STX2: variants seen among roughly 807,000 people sequenced by gnomAD.
STX2 encodes syntaxin-2.
A neutral mutation model predicts 40.6 loss-of-function variants in STX2; 27 were observed. The ratio of observed to expected loss-of-function variants is 0.66; its 90% CI spans 0.49 to 0.92. The LOEUF (loss-of-function observed/expected upper bound fraction) is 0.92. Ranked by LOEUF, STX2 falls within the 40% of genes least tolerant of loss-of-function variation. The pLI, the probability that STX2 is intolerant of heterozygous loss-of-function variation, is 0.00. For synonymous variants in STX2, 123 were observed against 119.1 expected (o/e 1.03, Z -0.22); for missense variants, 328 against 366.1 (o/e 0.90, Z 0.85).
chr12:130,838,976 T>C (rs1593204296), intron 1 of STX2, 94 bp downstream of exon 1: 8 of 487,592 alleles, frequency 1.6e-5, no homozygotes, highest in South Asian at 5.4e-5. Flanking sequence ...CTGGGGACCC[T>C]CCCGGAGCCC....
chr12:130,795,893 G>A lies in STX2; in HGVS notation c.*45+102C>T, dbSNP rs1593110455. 5 of 1,389,976 alleles carry A rather than the reference G, an allele frequency of 3.6e-6. No homozygotes were observed. In the East Asian group the frequency reaches 1.0e-4, roughly 28 times the overall value. 86.1% of individuals were successfully genotyped at this position (1,389,976 alleles called of 1,614,324 possible). On this transcript the variant is annotated intron_variant, in intron 10 of 10. Transcript: ENST00000392373. ...TAGATGGCATTATCTGTACTGCGTG[G>A]CTGGCAAGCTTTTATTAGTTTTATG...
At chr12:130,833,219 GA>G (rs1164541260) in intron 1 of STX2, among the ~76,000 whole-genome samples, 3 of 151,958 alleles carry the variant, frequency 2.0e-5, no homozygotes, top group Non-Finnish European at 4.4e-5. Context: ...AGGAGAGTGG[GA>G]AAGTACACAC....
Position 130,808,656 on chromosome 12 carries a change from A to G in STX2, c.329T>C (p.Val110Ala). The G allele has an allele frequency of 1.9e-6, 3 of 1,613,820 alleles. No homozygotes were observed. The South Asian group carries it at 3.3e-5, about 18-fold the overall frequency. The change falls in exon 5 of 11, where the codon GTG (valine) becomes GCG (alanine). Residue 110 changes from valine to alanine, a missense_variant. Val to Ala is a moderately conservative substitution (Grantham distance 64). Transcript: ENST00000392373. ...CTGGGTTCTTCGTATCCGAAGATCC[A>G]CTGAAGTCCGGTTCCCACTCTCATC... ...DQDESGNRTS[V>A]DLRIRRTQHS...
At chr12:130,804,632 A>T (rs1266888952) in intron 6 of STX2, among the ~76,000 whole-genome samples, 2 of 151,910 alleles carry the variant, frequency 1.3e-5, no homozygotes, top group Non-Finnish European at 2.9e-5. Flanking sequence ...TCCCTAGCCA[A>T]TGTTTCCTTC....
chr12:130,790,370 C>T lies in STX2; in HGVS notation c.*1653G>A, dbSNP rs1950847115. The T allele has an allele frequency of 6.6e-6, 1 of 152,180 alleles. No homozygotes were observed. The highest frequency in any genetic ancestry group is 1.5e-5 in the Non-Finnish European group (1 of 68,030). 9.4% of individuals were successfully genotyped at this position (152,180 alleles called of 1,614,324 possible). Reference sequence around the variant, plus strand: ...TTTCAAACCAAATGGTGTTAAAAGTCACATGCTTACACTACTACATACAGG... The same window carrying T: ...TTTCAAACCAAATGGTGTTAAAAGTTACATGCTTACACTACTACATACAGG... On this transcript the variant is annotated 3_prime_UTR_variant, in exon 11 of 11. Coordinates refer to ENST00000392373, the MANE Select transcript of STX2 (RefSeq NM_194356.4).
chr12:130,830,493 T>C lies in STX2; in HGVS notation c.31-3226A>G, dbSNP rs182226479. On this transcript the variant is annotated intron_variant, in intron 1 of 10. Transcript: ENST00000392373. ...CGGATTTTTGTTCCAAGTCATTCGC[T>C]TGCTGGTAAACAATTTGTTTCTCTC... Among the ~76,000 whole-genome samples, 598 of 152,340 alleles carry C rather than the reference T, an allele frequency of 3.9e-3. 2 individuals are homozygous for C. Among genetic ancestry groups the C allele is most frequent in the African/African-American group, 0.014 (565 of 41,580 alleles).
chr12:130,818,339 T>C (rs1162257815), intron 3 of STX2, among the ~76,000 whole-genome samples: 1 of 141,210 alleles, frequency 7.1e-6, no homozygotes, highest in Non-Finnish European at 1.5e-5. Context: ...ATCACGCAGC[T>C]GCACTCTCGC....
At chr12:130,836,228 T>G (rs1000817490) in intron 1 of STX2, among the ~76,000 whole-genome samples, 1 of 152,174 alleles carries the variant, frequency 6.6e-6, no homozygotes, top group African/African-American at 2.4e-5. Flanking sequence ...AAACTTCAAA[T>G]TCAGTTTTAA....
chr12:130,791,693 A>G lies in STX2; in HGVS notation c.*330T>C, dbSNP rs571086088. 1.5e-5 allele frequency: 8 copies of G among 516,262 alleles called. No homozygotes were observed. In the Admixed American group the frequency reaches 3.1e-4, roughly 20 times the overall value. The allele number at this position is 516,262 out of a possible 1,614,324, so 32.0% of individuals were successfully genotyped here. A position where few individuals can be genotyped will look rare whatever the true frequency, so the allele number is the denominator to read the frequency against. On this transcript the variant is annotated 3_prime_UTR_variant, in exon 11 of 11. Coordinates refer to ENST00000392373, the MANE Select transcript of STX2 (RefSeq NM_194356.4). ...GCTCACATTCTGTAGTGTGTCATTC[A>G]GGGTCACGCATCACACCCACTGTGC... is the stretch of plus-strand genomic sequence containing the variant.
Position 130,801,586 on chromosome 12 carries a change from A to G in STX2, c.464-98T>C, listed in dbSNP as rs75108599. ...GTTAGCAACTACAATCATAGTTGTT[A>G]GCATTTTTCAGTAATTTTTTTAACC... On this transcript the variant is annotated intron_variant, in intron 6 of 10. Transcript: ENST00000392373. The G allele has an allele frequency of 2.2e-3, 2,773 of 1,276,862 alleles. 51 individuals carry two copies. The African/African-American group carries it at 0.037, about 17-fold the overall frequency. The allele number at this position is 1,276,862 out of a possible 1,614,324, so 79.1% of individuals were successfully genotyped here.
chr12:130,820,404 T>C (rs549882684), intron 3 of STX2, among the ~76,000 whole-genome samples: 1 of 152,274 alleles, frequency 6.6e-6, no homozygotes, highest in Admixed American at 6.5e-5. Context: ...CGGTGGCTCA[T>C]GCCTGAAATC....
At chr12:130,793,700 T>C (rs1950944957) in intron 10 of STX2, among the ~76,000 whole-genome samples, 1 of 152,232 alleles carries the variant, frequency 6.6e-6, no homozygotes, top group Admixed American at 6.5e-5. Flanking sequence ...AGACTCCACC[T>C]GTCTCCTTAA....
At chr12:130,823,416 G>C (rs1952188924) in intron 2 of STX2, among the ~76,000 whole-genome samples, 1 of 152,234 alleles carries the variant, frequency 6.6e-6, no homozygotes, top group Non-Finnish European at 1.5e-5. Context: ...ATAGCAAAGG[G>C]AACTTTGCAG....
chr12:130,813,417 G>A (rs905408508), intron 3 of STX2, among the ~76,000 whole-genome samples: 9 of 152,188 alleles, frequency 5.9e-5, no homozygotes, highest in East Asian at 1.9e-4. Context: ...AAAGGAAAAC[G>A]GAGACGTAAC....
chr12:130,830,353 G>A (rs975741939), intron 1 of STX2, among the ~76,000 whole-genome samples: 22 of 152,066 alleles, frequency 1.4e-4, no homozygotes, highest in East Asian at 3.9e-4. Flanking sequence ...GTGGCGTGGC[G>A]TAAACAACCA....
chr12:130,827,081 TGGGGA>T, intron 2 of STX2, 107 bp downstream of exon 2: 2 of 367,032 alleles, frequency 5.4e-6, no homozygotes, highest in Non-Finnish European at 4.7e-6. Flanking sequence ...GAGGGAGGGG[TGGGGA>T]GGGGAGGGGA....
intron 8 of STX2, among the ~76,000 whole-genome samples, chr12:130,799,712 G>A (rs1951152086): frequency 6.6e-6 from 1 of 151,990 alleles, no homozygotes; most frequent in Non-Finnish European, 1.5e-5. Context: ...TACTCGGGAG[G>A]CTGAGGTAGG....
intron 9 of STX2, 33 bp from the exon 10 acceptor site, chr12:130,796,153 C>T: frequency 6.2e-7 from 1 of 1,611,046 alleles, no homozygotes. Context: ...TTATATCATG[C>T]ATGGTTAATT....
At chr12:130,824,746 T>C (rs1952237508) in intron 2 of STX2, among the ~76,000 whole-genome samples, 1 of 152,220 alleles carries the variant, frequency 6.6e-6, no homozygotes, top group Non-Finnish European at 1.5e-5. Context: ...CAAACTTCTA[T>C]GTGATATTGA....
Sources: gnomAD v4.1 joint callset for allele counts (sites outside exome capture counted in the v4.1 genomes callset) on GRCh38, gnomAD v4.1.1 for gene constraint, MANE v1.5 for transcripts, NCBI Gene and HGNC (gene_info 2026-07-23, HGNC 2026-07-21) for gene names.